NCAM2: variants seen among roughly 807,000 people sequenced by gnomAD.
The protein encoded by NCAM2 is neural cell adhesion molecule 2.
Under a neutral mutation model 98.1 loss-of-function variants are expected in NCAM2, and 30 were observed. The ratio of observed to expected loss-of-function variants is 0.31; its 90% CI spans 0.23 to 0.41. The LOEUF is 0.41. NCAM2 is among the 10% of genes least tolerant of loss of function. The pLI is 1.00. For synonymous variants in NCAM2, 368 were observed against 342.4 expected (o/e 1.07, Z -0.83); for missense variants, 867 against 1,005.8 (o/e 0.86, Z 1.87).
chr21:21,340,065 A>T (rs1181064064), intron 8 of NCAM2, among the ~76,000 whole-genome samples: 1 of 151,928 alleles, frequency 6.6e-6, no homozygotes, highest in Non-Finnish European at 1.5e-5. Flanking sequence ...CAAATCTGAA[A>T]AGAATTAAAT....
chr21:21,479,600 A>AAAAAAAAAAAAAAAAAAAAAC (rs1985622735), intron 15 of NCAM2, among the ~76,000 whole-genome samples: 1 of 132,264 alleles, frequency 7.6e-6, no homozygotes, highest in Non-Finnish European at 1.7e-5. Flanking sequence ...AAAAAAAAAA[A>AAAAAAAAAAAAAAAAAAAAAC]AAAAAAAATT....
chr21:21,069,913 C>T (rs77228399), intron 1 of NCAM2, among the ~76,000 whole-genome samples: 5,645 of 152,140 alleles, frequency 0.037, 328 homozygotes, highest in African/African-American at 0.13. Context: ...TAATAGTGTC[C>T]TGTACTTTTC....
chr21:21,451,808 A>G (rs1237690192), intron 12 of NCAM2, among the ~76,000 whole-genome samples: 1 of 152,064 alleles, frequency 6.6e-6, no homozygotes, highest in South Asian at 2.1e-4. Flanking sequence ...TGGAAACCTC[A>G]CCAGACATCT....
intron 1 of NCAM2, among the ~76,000 whole-genome samples, chr21:21,054,969 C>T (rs1436279620): frequency 6.6e-6 from 1 of 151,936 alleles, no homozygotes; most frequent in Non-Finnish European, 1.5e-5. Context: ...GGAATATTTT[C>T]TTTAGCTTTG....
chr21:21,224,406 A>C (rs1029052662), intron 1 of NCAM2, among the ~76,000 whole-genome samples: 2 of 152,202 alleles, frequency 1.3e-5, no homozygotes, highest in African/African-American at 4.8e-5. Flanking sequence ...AAATACGTAG[A>C]TACTATTCTT....
intron 16 of NCAM2, among the ~76,000 whole-genome samples, chr21:21,529,350 A>G (rs895137042): frequency 1.3e-5 from 2 of 152,146 alleles, no homozygotes; most frequent in Admixed American, 1.3e-4. Flanking sequence ...GAAATTTTCA[A>G]TATTAAATTT....
At chr21:21,253,508 A>G (rs900132728) in intron 1 of NCAM2, among the ~76,000 whole-genome samples, 1 of 152,158 alleles carries the variant, frequency 6.6e-6, no homozygotes, top group African/African-American at 2.4e-5. Flanking sequence ...CCCTTCCACA[A>G]TGCGAGGACA....
At chr21:21,060,715 C>G (rs62209019) in intron 1 of NCAM2, among the ~76,000 whole-genome samples, 12,439 of 152,064 alleles carry the variant, frequency 0.082, 558 homozygotes, top group East Asian at 0.14. Context: ...CACACACAGA[C>G]ATTTACCCAC....
At chr21:21,061,876 C>T (rs1271018556) in intron 1 of NCAM2, among the ~76,000 whole-genome samples, 1 of 152,058 alleles carries the variant, frequency 6.6e-6, no homozygotes, top group African/African-American at 2.4e-5. Flanking sequence ...ATCACCATAA[C>T]ATCACAGGAA....
Position 21,110,825 on chromosome 21 carries a change from A to G in NCAM2, c.55+112207A>G, listed in dbSNP as rs576753871. 1.2e-4 allele frequency among the ~76,000 whole-genome samples: 18 copies of G among 152,108 alleles called. No homozygotes were observed. The South Asian group carries it at 1.5e-3, about 12-fold the overall frequency. On this transcript the variant is annotated intron_variant, in intron 1 of 17. Transcript: ENST00000400546. The stretch of plus-strand genomic sequence containing the variant: ...GGAACTGAACTTAGTTCCTTAAACT[A>G]GTAACTTTGGCTTTTAATTCAATTA...
chr21:21,156,364 A>G (rs7280930), intron 1 of NCAM2, among the ~76,000 whole-genome samples: 2,565 of 152,150 alleles, frequency 0.017, 87 homozygotes, highest in African/African-American at 0.059. Flanking sequence ...AAGAAGAACA[A>G]CAATGTTTTG....
At chr21:21,306,809 A>T (rs1601927683) in intron 5 of NCAM2, among the ~76,000 whole-genome samples, 1 of 152,110 alleles carries the variant, frequency 6.6e-6, no homozygotes, top group Non-Finnish European at 1.5e-5. Context: ...CTATTTTTGT[A>T]CCCATTTACC....
intron 1 of NCAM2, among the ~76,000 whole-genome samples, chr21:21,125,465 G>GAT (rs1163897384): frequency 0.024 from 59 of 2,476 alleles, 1 homozygote; most frequent in African/African-American, 0.045. Context: ...TATAGAGACA[G>GAT]ATATATATAT....
chr21:21,420,584 G>GA (rs2077091591), intron 11 of NCAM2, among the ~76,000 whole-genome samples: 1 of 151,804 alleles, frequency 6.6e-6, no homozygotes, highest in South Asian at 2.1e-4. Flanking sequence ...ATTAAGTTCA[G>GA]AAAAATGTTC....
chr21:21,283,576 G>T (rs550451393), intron 2 of NCAM2, among the ~76,000 whole-genome samples: 4 of 151,854 alleles, frequency 2.6e-5, no homozygotes, highest in Non-Finnish European at 4.4e-5. Flanking sequence ...TTAAAATAAT[G>T]AAACTACTTA....
At position 21,124,319 on chromosome 21, in the gene NCAM2, G is replaced by A. The variant is rs919365911; in HGVS notation, c.55+125701G>A. Among the ~76,000 whole-genome samples the A allele has an allele frequency of 5.3e-5, 8 of 152,182 alleles. No homozygotes were observed. In the East Asian group the frequency reaches 1.5e-3, roughly 29 times the overall value. ...TATAATTCATTCTTATATTTAGAAT[G>A]TAACATTATGTGCAAGTGCCTGTGT... On this transcript the variant is annotated intron_variant, in intron 1 of 17. Coordinates refer to ENST00000400546, the MANE Select transcript of NCAM2 (RefSeq NM_004540.5).
chr21:21,080,895 T>A (rs1267559371), intron 1 of NCAM2, among the ~76,000 whole-genome samples: 1 of 152,000 alleles, frequency 6.6e-6, no homozygotes, highest in African/African-American at 2.4e-5. Flanking sequence ...GAGGCAAGTT[T>A]TAGAGCAGGA....
At chr21:21,373,000 T>G (rs2075954014) in intron 8 of NCAM2, among the ~76,000 whole-genome samples, 1 of 151,880 alleles carries the variant, frequency 6.6e-6, no homozygotes, top group Non-Finnish European at 1.5e-5. Context: ...CTTTGCATTA[T>G]TAATAATGTA....
At chr21:21,522,454 T>C (rs1179005075) in intron 16 of NCAM2, among the ~76,000 whole-genome samples, 2 of 151,082 alleles carry the variant, frequency 1.3e-5, no homozygotes, top group African/African-American at 4.8e-5. Flanking sequence ...ATTTTTAGTG[T>C]TGAGAGAGAA....
Sources: allele counts gnomAD v4.1 joint callset (sites outside exome capture counted in the v4.1 genomes callset), GRCh38; gene constraint gnomAD v4.1.1; transcripts MANE v1.5; gene names NCBI Gene and HGNC (gene_info 2026-07-23, HGNC 2026-07-21).